Variants in RBBP8NL observed in about 807,000 individuals in gnomAD.
RBBP8NL encodes the protein RBBP8 N-terminal-like protein.
A neutral mutation model predicts 62.2 loss-of-function variants in RBBP8NL; 59 were observed. The ratio of observed to expected loss-of-function variants is 0.95; its 90% CI spans 0.77 to 1.18. RBBP8NL has a LOEUF of 1.18. Among genes scored for constraint, RBBP8NL ranks in the 50% most tolerant of loss-of-function variants. The probability of loss-of-function intolerance (pLI) is 0.00; values close to 1 mark genes in which losing one functional copy is unlikely to be tolerated. For missense variants in RBBP8NL, 896 were observed against 899.5 expected, an observed-to-expected ratio of 1.00 and a Z score of 0.05; for synonymous variants, 412 against 394.1, an observed-to-expected ratio of 1.05 and a Z score of -0.54.
Position 62,415,804 on chromosome 20 carries a change from C to A in RBBP8NL, c.528G>T (p.Val176=). Residue 176 remains valine, a synonymous_variant, in exon 7 of 14, where the codon GTG becomes GTT. Transcript: ENST00000252998. ...HEEAEEDHQG[V]GLRGEEKPAG... is the part of the protein sequence containing the mutation. ...CCACAGCACCTTCTCCCCGTAGGCC[C>A]ACGCCCTGGTGGTCTTCCTCAGCCT... is the stretch of plus-strand genomic sequence containing the variant. 6.2e-7 allele frequency: 1 copy of A among 1,612,388 alleles called. No individual in the cohort carries two copies. The highest frequency in any genetic ancestry group is 8.5e-7 in the Non-Finnish European group (1 of 1,179,902).
chr20:62,415,314 GC>G, intron 8 of RBBP8NL, 27 bp from the exon 9 acceptor site: 1 of 1,550,162 alleles, frequency 6.5e-7, no homozygotes, highest in Non-Finnish European at 8.6e-7. Context: ...GTCAGCCTGG[GC>G]GGGGGCATGC....
chr20:62,412,509 A>G (rs984911516), intron 13 of RBBP8NL, 115 bp downstream of exon 13: 1 of 1,398,648 alleles, frequency 7.1e-7, no homozygotes, highest in Non-Finnish European at 9.8e-7. Context: ...TTTTGGCTCC[A>G]TCATTCTGAG....
At chr20:62,419,110 A>G (rs1268633395) in intron 2 of RBBP8NL, among the ~76,000 whole-genome samples, 2 of 152,162 alleles carry the variant, frequency 1.3e-5, no homozygotes. Context: ...GTTGCAGCTC[A>G]GTGCCTTGAC....
At chr20:62,424,554 C>A (rs1182237179) in intron 1 of RBBP8NL, among the ~76,000 whole-genome samples, 2 of 152,184 alleles carry the variant, frequency 1.3e-5, no homozygotes, top group Non-Finnish European at 2.9e-5. Flanking sequence ...CGACGTGCTG[C>A]TCTCACCAGA....
chr20:62,415,561 C>T lies in RBBP8NL; in HGVS notation c.627+17G>A. On this transcript the variant is annotated intron_variant, in intron 8 of 13. Transcript: ENST00000252998. ...CGGCCCAGCTGCACATGGTGGGCTC[C>T]CGGTCCCTGCCCTTACCATGTCTGG... is the stretch of plus-strand genomic sequence containing the variant. 3 of 1,612,272 alleles carry T rather than the reference C, an allele frequency of 1.9e-6. No individual in the cohort carries two copies. The highest frequency in any genetic ancestry group is 1.7e-6 in the Non-Finnish European group (2 of 1,179,688).
At chr20:62,425,970 GGCAGTGGCAGTA>G (rs1485335158) in intron 1 of RBBP8NL, among the ~76,000 whole-genome samples, 77 of 149,236 alleles carry the variant, frequency 5.2e-4, no homozygotes, top group African/African-American at 1.7e-3. Flanking sequence ...GCATAGCAGT[GGCAGTGGCAGTA>G]GCAGTGGCAG....
At chr20:62,412,566 G>A in intron 13 of RBBP8NL, 58 bp downstream of exon 13, 10 of 1,578,192 alleles carry the variant, frequency 6.3e-6, no homozygotes, top group African/African-American at 1.3e-5. Context: ...ACTGGGGAGA[G>A]GTGGGTGCTG....
At chr20:62,424,331 C>T (rs1040923206) in intron 1 of RBBP8NL, among the ~76,000 whole-genome samples, 10 of 152,092 alleles carry the variant, frequency 6.6e-5, no homozygotes, top group African/African-American at 2.4e-4. Flanking sequence ...TGTCTGTCCC[C>T]CTCGACACCA....
intron 1 of RBBP8NL, among the ~76,000 whole-genome samples, chr20:62,420,669 G>T (rs1988679431): frequency 6.6e-6 from 1 of 152,228 alleles, no homozygotes; most frequent in Non-Finnish European, 1.5e-5. Flanking sequence ...ACATGCAGTT[G>T]CAGGTACACG....
intron 1 of RBBP8NL, among the ~76,000 whole-genome samples, chr20:62,426,243 A>C (rs990822780): frequency 6.6e-6 from 1 of 152,196 alleles, no homozygotes; most frequent in Admixed American, 6.5e-5. Flanking sequence ...TTGATCACAT[A>C]CTGTTCTGTG....
At chr20:62,417,372 G>A (rs377060754) in intron 3 of RBBP8NL, 53 bp from the exon 4 acceptor site, 77 of 1,425,484 alleles carry the variant, frequency 5.4e-5, no homozygotes, top group African/African-American at 1.6e-4. Flanking sequence ...GAAGCCACAC[G>A]CTGTCCCCAC....
chr20:62,412,647 C>T lies in RBBP8NL; in HGVS notation c.1853G>A (p.Arg618Gln), dbSNP rs747597177. The T allele has an allele frequency of 1.4e-5, 23 of 1,606,358 alleles. No individual in the cohort carries two copies. The highest frequency in any genetic ancestry group is 6.7e-5 in the Admixed American group (4 of 60,022). The change falls in exon 13 of 14, where the codon CGG (arginine) becomes CAG (glutamine). Residue 618 changes from arginine (R) to glutamine (Q), a missense_variant. Transcript: ENST00000252998. Reference protein sequence around the residue: ...HGQGPPRKRKRASEPGDKASK... With the variant: ...HGQGPPRKRKQASEPGDKASK... ...ACCTTTGTCCCCAGGCTCCGAGGCC[C>T]GCTTCCTCTTCCGTGGTGGACCCTG...
Position 62,415,901 on chromosome 20 carries a change from G to A in RBBP8NL, c.431C>T (p.Pro144Leu), listed in dbSNP as rs796378863. Residue 144 changes from proline (P) to leucine (L), a missense_variant, in exon 7 of 14, where the codon CCC becomes CTC. Coordinates refer to ENST00000252998, the MANE Select transcript of RBBP8NL (RefSeq NM_080833.3). ...AGGGGAGGGGAGCAGCAGGGGTGAG[G>A]GGGGGTCCGAGGTGCCCTCCTTGGC... The part of the protein sequence containing the change: ...PRAKEGTSDP[P>L]SPLLLPSPGG... 2 of 1,592,342 alleles carry A rather than the reference G, an allele frequency of 1.3e-6. No individual in the cohort carries two copies. Among genetic ancestry groups the A allele is most frequent in the South Asian group, 2.3e-5 (2 of 88,064 alleles).
intron 1 of RBBP8NL, among the ~76,000 whole-genome samples, chr20:62,423,635 T>C (rs973717862): frequency 2.0e-5 from 3 of 152,016 alleles, no homozygotes; most frequent in Admixed American, 2.0e-4. Flanking sequence ...GTCTCTGGGG[T>C]CCACACGAGA....
At chr20:62,421,892 C>T (rs534953340) in intron 1 of RBBP8NL, among the ~76,000 whole-genome samples, 3 of 148,694 alleles carry the variant, frequency 2.0e-5, no homozygotes, top group South Asian at 4.3e-4. Flanking sequence ...TCTGTGTGTG[C>T]GTGCCCAAGC....
At chr20:62,418,555 T>A in intron 2 of RBBP8NL, 90 bp from the exon 3 acceptor site, 1 of 1,289,180 alleles carries the variant, frequency 7.8e-7, no homozygotes, top group Non-Finnish European at 1.1e-6. Context: ...AGAGCTGCAA[T>A]GTGGCACTCC....
chr20:62,414,551 A>G lies in RBBP8NL; in HGVS notation c.800T>C (p.Leu267Pro), dbSNP rs200738153. 19,317 of 1,424,284 alleles carry G rather than the reference A, an allele frequency of 0.014. 182 individuals are homozygous for G. The highest frequency in any genetic ancestry group is 0.017 in the Non-Finnish European group (18,090 of 1,084,080). 88.2% of individuals were successfully genotyped at this position (1,424,284 alleles called of 1,614,324 possible). A position where few individuals can be genotyped will look rare whatever the true frequency, so the allele number is the denominator to read the frequency against. ...CATGGCGGAGGGCCGGGAGGCCCGC[A>G]GGAAGCTGTGAGGGAGGAGAAGCCG... is the stretch of plus-strand genomic sequence containing the variant. ...YERGLSLDSF[L>P]RASRPSAMTH... Residue 267 changes from leucine to proline, a missense_variant, in exon 10 of 14, where the codon CTG becomes CCG. Leu to Pro is a moderately conservative substitution (Grantham distance 98). Coordinates refer to ENST00000252998, the MANE Select transcript of RBBP8NL (RefSeq NM_080833.3).
rs1408770111 is a variant in RBBP8NL, at chr20:62,415,257, C to T, written c.658G>A (p.Gly220Arg). The change falls in exon 9 of 14, where the codon GGG (glycine) becomes AGG (arginine). Residue 220 changes from glycine to arginine, a missense_variant. Transcript: ENST00000252998. ...SPQRISNQLH[G>R]TIAVVRPGSQ... ...CCAGGCCGCACCACGGCAATGGTCC[C>T]GTGCAGCTGGTTGGAGATGCGCTGG... 8.9e-6 allele frequency: 14 copies of T among 1,569,404 alleles called. No homozygotes were observed. The highest frequency in any genetic ancestry group is 2.3e-5 in the East Asian group (1 of 42,750).
intron 13 of RBBP8NL, among the ~76,000 whole-genome samples, chr20:62,411,330 C>T (rs562184079): frequency 1.9e-4 from 29 of 152,204 alleles, no homozygotes; most frequent in Non-Finnish European, 3.7e-4. Flanking sequence ...CAGGCCTGCC[C>T]CCGGGCTAGG....
Sources: allele counts gnomAD v4.1 joint callset (sites outside exome capture counted in the v4.1 genomes callset), GRCh38; gene constraint gnomAD v4.1.1; transcripts MANE v1.5; gene names NCBI Gene and HGNC (gene_info 2026-07-23, HGNC 2026-07-21).